The following MYO3B variants were observed in gnomAD, a reference collection of about 807,000 sequenced individuals.
MYO3B encodes the protein myosin IIIB.
In MYO3B, 156 loss-of-function variants were observed where a neutral mutation model predicts 174.6. That is an observed-to-expected ratio of 0.89 (90% CI 0.78 to 1.02). The LOEUF (loss-of-function observed/expected upper bound fraction) is 1.02. Among genes scored for constraint, MYO3B ranks in the 50% least tolerant of loss-of-function variants. The pLI is 0.00. For synonymous variants in MYO3B, 563 were observed against 569.1 expected (o/e 0.99, Z 0.15); for missense variants, 1,632 against 1,639.4 (o/e 1.00, Z 0.08).
intron 18 of MYO3B, among the ~76,000 whole-genome samples, 154 bp from the exon 19 acceptor site, chr2:170,402,694 A>G (rs1040575690): frequency 3.3e-5 from 5 of 152,168 alleles, no homozygotes; most frequent in African/African-American, 9.7e-5. Context: ...TTTGAGACAT[A>G]AACTGCTTCT....
intron 32 of MYO3B, among the ~76,000 whole-genome samples, chr2:170,648,996 TATATAAAATAATATATAATGTATAA>T (rs1698657065): frequency 1.2e-4 from 10 of 86,278 alleles, no homozygotes; most frequent in Admixed American, 3.9e-4. Flanking sequence ...TAATGTATAA[TATATAAAATAATATATAATGTATAA>T]TATATAAAAT....
intron 12 of MYO3B, 173 bp from the exon 13 acceptor site, chr2:170,386,016 A>T (rs2094371637): frequency 1.8e-6 from 1 of 545,582 alleles, no homozygotes; most frequent in Non-Finnish European, 3.3e-6. Context: ...ACAATGGAAC[A>T]ACAAGTAGCT....
At chr2:170,383,560 T>TC (rs755280877) in intron 11 of MYO3B, 150 bp from the exon 12 acceptor site, 7 of 616,194 alleles carry the variant, frequency 1.1e-5, no homozygotes, top group Non-Finnish European at 1.7e-5. Context: ...AAATTTGAAC[T>TC]CAGTCCTGCA....
intron 32 of MYO3B, among the ~76,000 whole-genome samples, chr2:170,622,921 C>A (rs1467780785): frequency 6.6e-6 from 1 of 152,174 alleles, no homozygotes; most frequent in Non-Finnish European, 1.5e-5. Flanking sequence ...TTTATGGCTG[C>A]ATAGTATTCC....
chr2:170,485,670 C>T (rs192753592), intron 25 of MYO3B, among the ~76,000 whole-genome samples: 67 of 152,192 alleles, frequency 4.4e-4, no homozygotes, highest in African/African-American at 1.6e-3. Context: ...TAGCAGTGCT[C>T]AATAAACAAT....
intron 32 of MYO3B, among the ~76,000 whole-genome samples, chr2:170,604,673 AAAAGAC>A (rs1302525067): frequency 6.6e-6 from 1 of 152,230 alleles, no homozygotes. Flanking sequence ...AAGCAACAAA[AAAAGAC>A]AAAGTAGGGA....
At chr2:170,280,770 AAGATC>A (rs1018127012) in intron 7 of MYO3B, among the ~76,000 whole-genome samples, 1 of 152,108 alleles carries the variant, frequency 6.6e-6, no homozygotes, top group African/African-American at 2.4e-5. Context: ...GGCTTTGTCA[AAGATC>A]AGATGGTCAT....
intron 25 of MYO3B, among the ~76,000 whole-genome samples, chr2:170,477,330 C>G (rs1431690760): frequency 6.6e-6 from 1 of 152,138 alleles, no homozygotes; most frequent in Non-Finnish European, 1.5e-5. Flanking sequence ...GTTGCTCCAT[C>G]CTCTGTGCTC....
intron 23 of MYO3B, among the ~76,000 whole-genome samples, chr2:170,460,152 AGGGCTGCTAGCAC>A (rs1485005683): frequency 3.3e-5 from 5 of 152,038 alleles, no homozygotes; most frequent in African/African-American, 1.2e-4. Flanking sequence ...AGAGTAAGCG[AGGGCTGCTAGCAC>A]GGGCTGCTAG....
chr2:170,214,769 A>G lies in MYO3B; in HGVS notation c.467A>G (p.Asp156Gly). The G allele has an allele frequency of 6.2e-7, 1 of 1,614,122 alleles. No individual in the cohort carries two copies. The highest frequency in any genetic ancestry group is 8.5e-7 in the Non-Finnish European group (1 of 1,179,986). Residue 156 changes from aspartate (D) to glycine (G), a missense_variant, in exon 5 of 35, where the codon GAT (aspartate) becomes GGT (glycine). By Grantham distance (94) the Asp-to-Gly change is moderately conservative (BLOSUM62 -1). Transcript: ENST00000408978. Reference protein sequence around the residue: ...HLHNNRIIHRDVKGNNILLTT... With the variant: ...HLHNNRIIHRGVKGNNILLTT... The stretch of plus-strand genomic sequence containing the variant: ...CACAACAACCGAATCATCCACCGTG[A>G]TGTGAAGGGGAATAACATTCTTCTG...
intron 7 of MYO3B, among the ~76,000 whole-genome samples, chr2:170,262,575 A>G (rs901268068): frequency 6.6e-6 from 1 of 152,168 alleles, no homozygotes; most frequent in Non-Finnish European, 1.5e-5. Context: ...ATGAAGTAAG[A>G]GTTGGCCATG....
intron 23 of MYO3B, among the ~76,000 whole-genome samples, chr2:170,461,461 A>T (rs1407255811): frequency 8.6e-6 from 1 of 115,670 alleles, no homozygotes; most frequent in Non-Finnish European, 1.7e-5. Context: ...AGCAAAACTC[A>T]GTCTCAAAAA....
Position 170,595,345 on chromosome 2 carries a change from T to C in MYO3B, c.3733+51357T>C, listed in dbSNP as rs576312010. Among the ~76,000 whole-genome samples the C allele has an allele frequency of 2.6e-5, 4 of 152,324 alleles. No individual in the cohort carries two copies. In the East Asian group the frequency reaches 7.7e-4, roughly 29 times the overall value. On this transcript the variant is annotated intron_variant, in intron 32 of 34. Transcript: ENST00000408978. ...TGGTGCAGCCTTAGATGAGGAAGAC[T>C]GAATTACGAGGTAGAAGCCATTATT...
At chr2:170,227,420 G>A (rs2092963666) in intron 6 of MYO3B, among the ~76,000 whole-genome samples, 1 of 152,084 alleles carries the variant, frequency 6.6e-6, no homozygotes. Context: ...TAGTAGCTGG[G>A]ATTATAGGCA....
Position 170,546,104 on chromosome 2 carries a change from G to A in MYO3B, c.3733+2116G>A, listed in dbSNP as rs113533283. ...CTTTCCCTCCTCTGTGACTGTTCAT[G>A]CTGCCTCTTCTGCTCCACATGTCCT... On this transcript the variant is annotated intron_variant, in intron 32 of 34. Transcript: ENST00000408978. Among the ~76,000 whole-genome samples the A allele has an allele frequency of 5.0e-3, 764 of 152,124 alleles. 6 individuals are homozygous for A. Among genetic ancestry groups the A allele is most frequent in the African/African-American group, 0.016 (652 of 41,510 alleles).
chr2:170,469,766 C>G (rs1183322609), intron 25 of MYO3B, among the ~76,000 whole-genome samples: 1 of 152,098 alleles, frequency 6.6e-6, no homozygotes, highest in Non-Finnish European at 1.5e-5. Flanking sequence ...ATTAACAGCT[C>G]AATTTAGATA....
rs200210761 is a variant in MYO3B at position 170,467,830 on chromosome 2, A to AG, written c.3014+1119_3014+1120insG. ...AAAGATAAGGCAAAAAAAAAAAAAA[A>AG]AGTTCCTTGCAATGAGAGCTTTTAA... On this transcript the variant is annotated intron_variant, in intron 25 of 34. Transcript: ENST00000408978. 9.0e-3 allele frequency among the ~76,000 whole-genome samples: 1,358 copies of AG among 151,664 alleles called. 10 individuals are homozygous for AG. The highest frequency in any genetic ancestry group is 0.014 in the Non-Finnish European group (925 of 67,896).
intron 30 of MYO3B, among the ~76,000 whole-genome samples, chr2:170,529,234 G>C (rs1559087241): frequency 6.6e-6 from 1 of 152,058 alleles, no homozygotes. Context: ...AGGAGGAGCA[G>C]AGAAAATGAT....
chr2:170,435,547 TCA>T (rs1348850749), intron 22 of MYO3B, among the ~76,000 whole-genome samples: 4 of 152,236 alleles, frequency 2.6e-5, no homozygotes, highest in Non-Finnish European at 5.9e-5. Context: ...GTTTCCGTTC[TCA>T]GTGTCTAAGC....
Sources: gnomAD v4.1 joint callset for allele counts (sites outside exome capture counted in the v4.1 genomes callset) on GRCh38, gnomAD v4.1.1 for gene constraint, MANE v1.5 for transcripts, NCBI Gene and HGNC (gene_info 2026-07-23, HGNC 2026-07-21) for gene names.